NTRK1: variants seen among roughly 807,000 people sequenced by gnomAD.
NTRK1 encodes the protein high affinity nerve growth factor receptor.
NTRK1 carries 62 observed loss-of-function variants against 86.8 expected under a neutral mutation model. The ratio of observed to expected loss-of-function variants is 0.71; its 90% CI spans 0.58 to 0.88. NTRK1 has a LOEUF of 0.88. Among genes scored for constraint, NTRK1 ranks in the 40% least tolerant of loss-of-function variants. NTRK1 has a pLI of 0.00. For synonymous variants in NTRK1, 469 were observed against 456.6 expected, an observed-to-expected ratio of 1.03 and a Z score of -0.35; for missense variants, 967 against 1,078.4, an observed-to-expected ratio of 0.90 and a Z score of 1.45.
intron 1 of NTRK1, among the ~76,000 whole-genome samples, chr1:156,836,287 G>T (rs1571649984): frequency 6.6e-6 from 1 of 152,178 alleles, no homozygotes; most frequent in African/African-American, 2.4e-5. Context: ...ACAGGGCTGG[G>T]TAAAAAGTCC....
At chr1:156,850,026 T>C (rs2102864650) in intron 2 of NTRK1, among the ~76,000 whole-genome samples, 2 of 151,986 alleles carry the variant, frequency 1.3e-5, no homozygotes, top group South Asian at 4.2e-4. Flanking sequence ...CCTCAGTCTC[T>C]TGAGTAGCTG....
chr1:156,876,282 GT>G (rs1647899889), intron 13 of NTRK1, 72 bp downstream of exon 13: 16 of 1,611,660 alleles, frequency 9.9e-6, no homozygotes, highest in Non-Finnish European at 1.4e-5. Context: ...TCAGGACAGA[GT>G]GGGGGGAGAT....
At chr1:156,817,642 C>CTTTT (rs1317245406) in intron 1 of NTRK1, among the ~76,000 whole-genome samples, 1 of 131,264 alleles carries the variant, frequency 7.6e-6, no homozygotes, top group African/African-American at 2.9e-5. Context: ...GTGTTGACAT[C>CTTTT]TTTTTTTTTT....
chr1:156,855,761 G>C (rs1655387146), intron 2 of NTRK1, among the ~76,000 whole-genome samples: 1 of 152,114 alleles, frequency 6.6e-6, no homozygotes, highest in South Asian at 2.1e-4. Context: ...GAAGGTCAAG[G>C]CTGCAGTGAG....
intron 2 of NTRK1, chr1:156,845,075 C>CT (rs1190480732): frequency 7.5e-6 from 12 of 1,604,286 alleles, no homozygotes; most frequent in Non-Finnish European, 9.4e-6. Flanking sequence ...GGATCACCTA[C>CT]TGTGGGGCAT....
intron 2 of NTRK1, among the ~76,000 whole-genome samples, chr1:156,855,150 A>G (rs1221234125): frequency 7.6e-6 from 1 of 131,250 alleles, no homozygotes; most frequent in East Asian, 2.2e-4. Context: ...CCCCTTCTCA[A>G]TGAGGCCTTC....
intron 1 of NTRK1, chr1:156,837,223 C>G (rs1654618285): frequency 6.6e-6 from 1 of 152,316 alleles, no homozygotes; most frequent in Admixed American, 6.5e-5. Flanking sequence ...AGGGACTCAC[C>G]AGGTACCTTC....
At position 156,879,994 on chromosome 1, in the gene NTRK1, G is replaced by A. The variant is rs2102926996; in HGVS notation, c.2047-5G>A. On this transcript the variant is annotated splice_region_variant and splice_polypyrimidine_tract_variant and intron_variant, in intron 15 of 16. Coordinates refer to ENST00000524377, the MANE Select transcript of NTRK1 (RefSeq NM_002529.4). ...TGGAATTGATGCAGTGTCCGCCCGT[G>A]GCAGGTGGGAGGCCGCACCATGCTG... The A allele has an allele frequency of 3.7e-6, 6 of 1,612,622 alleles. No homozygotes were observed. Among genetic ancestry groups the A allele is most frequent in the Non-Finnish European group, 5.1e-6 (6 of 1,179,980 alleles).
chr1:156,851,311 C>G, intron 2 of NTRK1: 2 of 1,614,118 alleles, frequency 1.2e-6, no homozygotes, highest in Non-Finnish European at 8.5e-7. Flanking sequence ...GGCGTCTCCC[C>G]GGATTAGTTT....
At chr1:156,841,985 A>T in intron 1 of NTRK1, 2 of 1,555,120 alleles carry the variant, frequency 1.3e-6, no homozygotes, top group Non-Finnish European at 8.8e-7. Context: ...ACTAAGATAC[A>T]GGGTGGGGGT....
Position 156,868,569 on chromosome 1 carries a change from G to T in NTRK1, c.639G>T (p.Leu213=), listed in dbSNP as rs890893982. The change falls in exon 6 of 17, where the codon CTG becomes CTT. Residue 213 remains leucine, a synonymous_variant. Transcript: ENST00000524377. ...ASVDVGDDVL[L]RCQVEGRGLE... Reference sequence around the variant, plus strand: ...TGGATGTGGGGGACGACGTGCTGCTGCGGTGCCAGGTGGAGGGGCGGGGCC... The same window carrying T: ...TGGATGTGGGGGACGACGTGCTGCTTCGGTGCCAGGTGGAGGGGCGGGGCC... 6 of 1,554,740 alleles carry T rather than the reference G, an allele frequency of 3.9e-6. No homozygotes were observed. The highest frequency in any genetic ancestry group is 2.7e-5 in the African/African-American group (2 of 73,262).
chr1:156,819,682 G>A (rs1398192847), intron 1 of NTRK1, among the ~76,000 whole-genome samples: 2 of 151,716 alleles, frequency 1.3e-5, no homozygotes, highest in Non-Finnish European at 2.9e-5. Flanking sequence ...ACCATGCCTG[G>A]CTAATTTTGT....
At chr1:156,849,195 C>T (rs1655116863) in intron 2 of NTRK1, 12 of 1,604,706 alleles carry the variant, frequency 7.5e-6, no homozygotes, top group Admixed American at 1.7e-5. Context: ...CCCGGGTGTG[C>T]GTGTCTAGTG....
chr1:156,843,476 G>A, intron 2 of NTRK1: 1 of 1,614,234 alleles, frequency 6.2e-7, no homozygotes, highest in Non-Finnish European at 8.5e-7. Flanking sequence ...ACAGGGTTCT[G>A]TTTCTGCAAC....
chr1:156,849,156 A>G (rs1412095366), intron 2 of NTRK1: 82 of 1,600,410 alleles, frequency 5.1e-5, no homozygotes, highest in Non-Finnish European at 6.7e-5. Context: ...AGAACTTCTC[A>G]GAGTGTCCCC....
At chr1:156,844,887 C>T (rs1654934910) in intron 2 of NTRK1, 1 of 1,610,740 alleles carries the variant, frequency 6.2e-7, no homozygotes, top group Non-Finnish European at 8.5e-7. Context: ...AGTGGTTCAT[C>T]TCACCTTATG....
At chr1:156,841,745 A>AC in intron 1 of NTRK1, 1 of 1,613,810 alleles carries the variant, frequency 6.2e-7, no homozygotes, top group Non-Finnish European at 8.5e-7. Flanking sequence ...GCCCCTTCCC[A>AC]CCCTTGCGGT....
intron 10 of NTRK1, 39 bp downstream of exon 10, chr1:156,874,665 C>G (rs538942645): frequency 2.5e-6 from 4 of 1,593,446 alleles, no homozygotes; most frequent in Non-Finnish European, 3.4e-6. Context: ...ACTTTGGGAC[C>G]GGGAGGCTGG....
At chr1:156,858,852 T>A, upstream of NTRK1, 1 of 568,884 alleles carries the variant, frequency 1.8e-6, no homozygotes, top group Non-Finnish European at 3.1e-6. Context: ...AGACTCAGCA[T>A]GAGATTGAGA....
Sources: gnomAD v4.1 joint callset for allele counts (sites outside exome capture counted in the v4.1 genomes callset) on GRCh38, gnomAD v4.1.1 for gene constraint, MANE v1.5 for transcripts, NCBI Gene and HGNC (gene_info 2026-07-23, HGNC 2026-07-21) for gene names.